The following EYA4 variants were observed in gnomAD, a reference collection of about 807,000 sequenced individuals.
The protein encoded by EYA4 is protein phosphatase EYA4.
Under a neutral mutation model 87.9 loss-of-function variants are expected in EYA4, and 31 were observed. That is an observed-to-expected ratio of 0.35 (90% CI 0.27 to 0.48). The LOEUF (loss-of-function observed/expected upper bound fraction) is 0.48, where lower values mean the gene tolerates loss of function less well. Among genes scored for constraint, EYA4 ranks in the 20% least tolerant of loss-of-function variants. EYA4 has a pLI of 0.99. For missense variants in EYA4, 678 were observed against 761.4 expected (o/e 0.89, Z 1.29); for synonymous variants, 263 against 270.6 (o/e 0.97, Z 0.28).
At chr6:133,244,024 A>G (rs1774200553) in intron 1 of EYA4, among the ~76,000 whole-genome samples, 1 of 152,220 alleles carries the variant, frequency 6.6e-6, no homozygotes, top group Non-Finnish European at 1.5e-5. Flanking sequence ...TTTAGGAATG[A>G]CTGTACAAGA....
intron 3 of EYA4, among the ~76,000 whole-genome samples, chr6:133,388,031 A>G (rs117275091): frequency 2.0e-5 from 3 of 152,106 alleles, no homozygotes; most frequent in Non-Finnish European, 4.4e-5. Context: ...TCCTTTGTTC[A>G]TGGTGGCATC....
intron 3 of EYA4, among the ~76,000 whole-genome samples, chr6:133,441,292 A>G (rs1224865367): frequency 6.6e-6 from 1 of 152,132 alleles, no homozygotes; most frequent in Non-Finnish European, 1.5e-5. Context: ...TATGTAATAT[A>G]TTGTTATTTT....
At chr6:133,469,855 A>C (rs1043977600) in intron 11 of EYA4, among the ~76,000 whole-genome samples, 2 of 151,930 alleles carry the variant, frequency 1.3e-5, no homozygotes, top group South Asian at 4.1e-4. Context: ...GATTTCAAAA[A>C]ATTGTAAAGA....
At chr6:133,481,436 T>A (rs538812844) in intron 11 of EYA4, 27 bp from the exon 12 acceptor site, 6 of 1,610,488 alleles carry the variant, frequency 3.7e-6, no homozygotes, top group Admixed American at 3.3e-5. Flanking sequence ...GAAGTGCTAT[T>A]CTTGACCTAA....
chr6:133,299,955 CTA>C (rs1016744513), intron 2 of EYA4, among the ~76,000 whole-genome samples: 54 of 106,208 alleles, frequency 5.1e-4, no homozygotes, highest in African/African-American at 1.6e-3. Context: ...ATCTATCTAT[CTA>C]TATATATATA....
In EYA4 at chr6:133,439,049, C is replaced by CAAAAAAAAAAAAAAAAA. The variant is rs56261819; in HGVS notation, c.84-7570_84-7554dup. Among the ~76,000 whole-genome samples, 327 of 64,030 alleles carry CAAAAAAAAAAAAAAAAA rather than the reference C, an allele frequency of 5.1e-3. 18 individuals carry two copies. The highest frequency in any genetic ancestry group is 0.01 in the East Asian group (18 of 1,730). The allele number at this position is 64,030 out of a possible 152,430, so 42.0% of individuals were successfully genotyped here. The stretch of plus-strand genomic sequence containing the variant: ...TGGGTGACAAAGCGAGACTCCGTCT[C>CAAAAAAAAAAAAAAAAA]AAAAAAAAAAAAAAAAAAAAAAAAA... On this transcript the variant is annotated intron_variant, in intron 3 of 19. Transcript: ENST00000355286.
intron 2 of EYA4, among the ~76,000 whole-genome samples, chr6:133,342,982 A>G (rs957796576): frequency 6.6e-6 from 1 of 152,124 alleles, no homozygotes; most frequent in Non-Finnish European, 1.5e-5. Flanking sequence ...TTTATTTTCT[A>G]ATTTATAGAG....
chr6:133,373,633 CT>C (rs1448779404), intron 2 of EYA4, among the ~76,000 whole-genome samples: 1 of 151,950 alleles, frequency 6.6e-6, no homozygotes, highest in East Asian at 1.9e-4. Context: ...TCATTTTGCT[CT>C]TTTTGCTATG....
chr6:133,341,618 C>A lies in EYA4; in HGVS notation c.34-40774C>A, dbSNP rs564610376. 9.9e-5 allele frequency among the ~76,000 whole-genome samples: 15 copies of A among 152,008 alleles called. No homozygotes were observed. In the South Asian group the frequency reaches 1.7e-3, roughly 17 times the overall value. Reference sequence around the variant, plus strand: ...AACATTGAACAGAATTTAGAAAATTCTTTTCTAATGTTGAAACAAAGGACT... The same window carrying A: ...AACATTGAACAGAATTTAGAAAATTATTTTCTAATGTTGAAACAAAGGACT... On this transcript the variant is annotated intron_variant, in intron 2 of 19. Transcript: ENST00000355286.
At chr6:133,393,880 G>A (rs1018363008) in intron 3 of EYA4, among the ~76,000 whole-genome samples, 12 of 152,036 alleles carry the variant, frequency 7.9e-5, no homozygotes, top group Non-Finnish European at 1.2e-4. Flanking sequence ...AGTGGAACTC[G>A]AAGTCTTAAG....
chr6:133,454,811 C>G (rs1793764421), intron 5 of EYA4, among the ~76,000 whole-genome samples: 1 of 152,068 alleles, frequency 6.6e-6, no homozygotes, highest in Non-Finnish European at 1.5e-5. Flanking sequence ...ATTATTCTAT[C>G]TAGGAGATAA....
intron 10 of EYA4, among the ~76,000 whole-genome samples, chr6:133,468,138 C>T (rs577021565): frequency 9.2e-5 from 14 of 152,086 alleles, no homozygotes; most frequent in African/African-American, 3.4e-4. Context: ...AGACTGAGGT[C>T]TCTGTGGAGT....
At chr6:133,494,575 A>G (rs980875520) in intron 13 of EYA4, among the ~76,000 whole-genome samples, 3 of 151,768 alleles carry the variant, frequency 2.0e-5, no homozygotes, top group African/African-American at 7.3e-5. Flanking sequence ...ACAGTAGCTC[A>G]GGCCTGTAAT....
chr6:133,526,548 T>C (rs17643040), intron 19 of EYA4, among the ~76,000 whole-genome samples: 15,387 of 152,226 alleles, frequency 0.1, 1,086 homozygotes, highest in Middle Eastern at 0.16. Flanking sequence ...GCAGCCATAC[T>C]TGCTTTTCGA....
chr6:133,293,384 AC>A (rs1399493433), intron 2 of EYA4, among the ~76,000 whole-genome samples: 1 of 152,070 alleles, frequency 6.6e-6, no homozygotes, highest in Non-Finnish European at 1.5e-5. Context: ...TTATATATAT[AC>A]TTGGGAAATA....
chr6:133,377,250 T>C lies in EYA4; in HGVS notation c.34-5142T>C, dbSNP rs73559662. On this transcript the variant is annotated intron_variant, in intron 2 of 19. Transcript: ENST00000355286. The stretch of plus-strand genomic sequence containing the variant: ...AGAAATTATTTTATTTAACACAGTA[T>C]ACCCAAAATATCATTTTACTCTCAA... Among the ~76,000 whole-genome samples the C allele has an allele frequency of 4.3e-3, 656 of 152,148 alleles. 7 individuals carry two copies. Among genetic ancestry groups the C allele is most frequent in the African/African-American group, 0.015 (633 of 41,548 alleles).
chr6:133,487,688 A>G (rs2128721303), intron 13 of EYA4, among the ~76,000 whole-genome samples: 1 of 152,242 alleles, frequency 6.6e-6, no homozygotes, highest in Non-Finnish European at 1.5e-5. Flanking sequence ...ACCTGCTACC[A>G]AGATTCATCA....
chr6:133,310,378 C>T (rs1245804669), intron 2 of EYA4, among the ~76,000 whole-genome samples: 4 of 152,136 alleles, frequency 2.6e-5, no homozygotes, highest in Admixed American at 6.5e-5. Context: ...TATGTTATTG[C>T]AACATGTGTC....
chr6:133,273,445 A>G (rs1028480622), intron 1 of EYA4, among the ~76,000 whole-genome samples: 10 of 152,178 alleles, frequency 6.6e-5, no homozygotes, highest in Non-Finnish European at 1.5e-4. Flanking sequence ...CATACCCAGG[A>G]TCAATACTTT....
Sources: gnomAD v4.1 joint callset for allele counts (sites outside exome capture counted in the v4.1 genomes callset) on GRCh38, gnomAD v4.1.1 for gene constraint, MANE v1.5 for transcripts, NCBI Gene and HGNC (gene_info 2026-07-23, HGNC 2026-07-21) for gene names.